VRK2: variants seen among roughly 807,000 people sequenced by gnomAD.
VRK2 encodes serine/threonine-protein kinase VRK2.
In VRK2, 60 loss-of-function variants were observed where a neutral mutation model predicts 57.6. That is an observed-to-expected ratio of 1.04 (90% CI 0.85 to 1.29). The LOEUF (loss-of-function observed/expected upper bound fraction) is 1.29, where lower values mean the gene tolerates loss of function less well. VRK2 is among the 50% of genes most tolerant of loss of function. The probability of loss-of-function intolerance (pLI) is 0.00; values close to 1 mark genes in which losing one functional copy is unlikely to be tolerated. For synonymous variants in VRK2, 231 were observed against 199.2 expected (o/e 1.16, Z -1.35); for missense variants, 705 against 588.1 (o/e 1.20, Z -2.06).
At chr2:57,921,868 T>G (rs1205582264) in intron 1 of VRK2, among the ~76,000 whole-genome samples, 1 of 152,172 alleles carries the variant, frequency 6.6e-6, no homozygotes, top group Admixed American at 6.6e-5. Context: ...TCTAGTTTGT[T>G]TCTTTCGCTT....
chr2:58,067,860 T>A (rs1319131967), intron 2 of VRK2, among the ~76,000 whole-genome samples: 1 of 152,090 alleles, frequency 6.6e-6, no homozygotes, highest in East Asian at 1.9e-4. Flanking sequence ...CCAAATTTCC[T>A]TGTGTAACTT....
At chr2:57,936,973 T>C (rs555214476) in intron 1 of VRK2, among the ~76,000 whole-genome samples, 1 of 152,346 alleles carries the variant, frequency 6.6e-6, no homozygotes, top group East Asian at 1.9e-4. Flanking sequence ...TTTAAAACAA[T>C]ATATCTGCTC....
intron 2 of VRK2, among the ~76,000 whole-genome samples, chr2:58,056,879 G>A (rs1425954543): frequency 1.3e-5 from 2 of 152,160 alleles, no homozygotes; most frequent in Admixed American, 1.3e-4. Flanking sequence ...AGCGAGGAGG[G>A]TCTGCTGCTA....
At chr2:58,123,338 A>G (rs1439548143) in intron 8 of VRK2, 105 bp downstream of exon 8, 2 of 1,363,082 alleles carry the variant, frequency 1.5e-6, no homozygotes, top group African/African-American at 3.1e-5. Flanking sequence ...TTTGAAGCAT[A>G]AGAGCACTGG....
At chr2:58,140,502 C>T (rs1313547546) in intron 11 of VRK2, among the ~76,000 whole-genome samples, 1 of 151,956 alleles carries the variant, frequency 6.6e-6, no homozygotes, top group Non-Finnish European at 1.5e-5. Context: ...TATCCGTATG[C>T]ACAAATAGAG....
At chr2:58,078,594 G>C (rs375579935) in intron 2 of VRK2, among the ~76,000 whole-genome samples, 6 of 152,132 alleles carry the variant, frequency 3.9e-5, no homozygotes, top group Admixed American at 6.6e-5. Flanking sequence ...TAGTGATGGG[G>C]TAATTTTATG....
intron 11 of VRK2, among the ~76,000 whole-genome samples, chr2:58,143,011 T>C (rs1406259817): frequency 6.6e-6 from 1 of 151,890 alleles, no homozygotes; most frequent in African/African-American, 2.4e-5. Context: ...TCATTCACCT[T>C]AAATCTGAGG....
rs76274963 is a variant in VRK2, at chr2:58,011,531, A to C, written c.-438-14134A>C. ...TTCCTCTAATGAATCACATTAAATC[A>C]GGGAAGAAACACACAAGTTGTGTCT... On this transcript the variant is annotated intron_variant, in intron 1 of 15. Transcript: ENST00000417641. Among the ~76,000 whole-genome samples, 53 of 152,362 alleles carry C rather than the reference A, an allele frequency of 3.5e-4. No homozygotes were observed. The East Asian group carries it at 8.9e-3, about 25-fold the overall frequency.
intron 7 of VRK2, among the ~76,000 whole-genome samples, chr2:58,112,152 C>G (rs1675665728): frequency 6.6e-6 from 1 of 152,140 alleles, no homozygotes. Context: ...GAAGTCATAT[C>G]AGCCAGGATT....
intron 8 of VRK2, among the ~76,000 whole-genome samples, chr2:58,130,220 A>G (rs1301708321): frequency 6.6e-5 from 10 of 152,188 alleles, no homozygotes; most frequent in Non-Finnish European, 1.5e-4. Flanking sequence ...ACACTGTGCC[A>G]GAATATCATT....
intron 2 of VRK2, among the ~76,000 whole-genome samples, chr2:58,072,913 T>G (rs1669559622): frequency 6.6e-6 from 1 of 152,070 alleles, no homozygotes; most frequent in Admixed American, 6.6e-5. Flanking sequence ...TATGTAAGTT[T>G]AGATAATTTA....
chr2:58,087,328 C>G (rs926449708), intron 5 of VRK2, among the ~76,000 whole-genome samples: 1 of 152,144 alleles, frequency 6.6e-6, no homozygotes, highest in South Asian at 2.1e-4. Flanking sequence ...AGGACTGCCA[C>G]TGGGGGACTG....
intron 2 of VRK2, among the ~76,000 whole-genome samples, chr2:58,068,479 T>C (rs990757830): frequency 3.3e-5 from 5 of 152,172 alleles, no homozygotes; most frequent in African/African-American, 1.2e-4. Flanking sequence ...GATTTCAGAT[T>C]TGACTATAAT....
At chr2:58,044,403 T>C (rs1438582217), upstream of VRK2, among the ~76,000 whole-genome samples, 4 of 152,214 alleles carry the variant, frequency 2.6e-5, no homozygotes, top group African/African-American at 9.7e-5. Context: ...ATTTATTCAT[T>C]GAAGAAGGAA....
chr2:57,965,374 C>T (rs764902742), intron 1 of VRK2, among the ~76,000 whole-genome samples: 1 of 152,120 alleles, frequency 6.6e-6, no homozygotes, highest in African/African-American at 2.4e-5. Flanking sequence ...GAATAGAAGG[C>T]AGTAGAAGTG....
intron 2 of VRK2, among the ~76,000 whole-genome samples, chr2:58,051,937 A>G (rs1481306102): frequency 6.6e-6 from 1 of 152,200 alleles, no homozygotes; most frequent in Non-Finnish European, 1.5e-5. Context: ...AAGAAAGGAA[A>G]CTGGTTTAGG....
At position 58,041,269 on chromosome 2, in the gene VRK2, A is replaced by C. The variant is rs75497893; in HGVS notation, c.-5-7558A>C. On this transcript the variant is annotated intron_variant, in intron 3 of 15. Coordinates refer to the VRK2 transcript ENST00000417641. ...GTTTGGCAGCAGGGTTCTACAAATT[A>C]ATATGCTTAAAAATTTTTTATTGAG... Among the ~76,000 whole-genome samples, 7 of 152,280 alleles carry C rather than the reference A, an allele frequency of 4.6e-5. No individual in the cohort carries two copies. The East Asian group carries it at 1.3e-3, about 29-fold the overall frequency.
upstream of VRK2, among the ~76,000 whole-genome samples, chr2:58,044,558 T>C (rs1197648605): frequency 2.0e-5 from 3 of 152,216 alleles, no homozygotes; most frequent in Non-Finnish European, 2.9e-5. Context: ...AATATATTGC[T>C]GTATAGCAGT....
intron 1 of VRK2, among the ~76,000 whole-genome samples, chr2:58,011,743 A>T (rs1362479910): frequency 6.6e-6 from 1 of 152,258 alleles, no homozygotes; most frequent in Non-Finnish European, 1.5e-5. Context: ...AAACAGTTCC[A>T]TAAAATGAAA....
Sources: gnomAD v4.1 joint callset for allele counts (sites outside exome capture counted in the v4.1 genomes callset) on GRCh38, gnomAD v4.1.1 for gene constraint, MANE v1.5 for transcripts, NCBI Gene and HGNC (gene_info 2026-07-23, HGNC 2026-07-21) for gene names.